The following TEAD1 variants were observed in gnomAD, a reference collection of about 807,000 sequenced individuals.
TEAD1 encodes the protein transcriptional enhancer factor TEF-1.
TEAD1 carries 9 observed loss-of-function variants against 54.9 expected under a neutral mutation model. The ratio of observed to expected loss-of-function variants is 0.16; its 90% CI spans 0.10 to 0.29. The LOEUF (loss-of-function observed/expected upper bound fraction) is 0.29. TEAD1 is among the 10% of genes least tolerant of loss of function. The pLI is 1.00. For synonymous variants in TEAD1, 200 were observed against 187.8 expected (o/e 1.07, Z -0.53); for missense variants, 387 against 535.9 (o/e 0.72, Z 2.74).
intron 3 of TEAD1, chr11:12,828,127 G>A (rs1278054821): frequency 2.0e-5 from 3 of 152,138 alleles, no homozygotes; most frequent in Non-Finnish European, 4.4e-5. Context: ...CAATAAAGAC[G>A]TTTAAAAACC....
Position 12,680,221 on chromosome 11 carries a change from A to C in TEAD1, c.-55+4660A>C, listed in dbSNP as rs183692845. The stretch of plus-strand genomic sequence containing the variant: ...TTTCATCCCAGTGTCTGTATCCCTT[A>C]ATTTTTCTTTGACTTTAATAGCTTT... On this transcript the variant is annotated intron_variant, in intron 2 of 12. Transcript: ENST00000527636. Among the ~76,000 whole-genome samples the C allele has an allele frequency of 6.8e-4, 103 of 152,312 alleles. 1 individual carries two copies. The highest frequency in any genetic ancestry group is 2.1e-3 in the Admixed American group (32 of 15,306).
chr11:12,889,565 G>A (rs1948155618), intron 9 of TEAD1, among the ~76,000 whole-genome samples: 1 of 152,190 alleles, frequency 6.6e-6, no homozygotes, highest in Non-Finnish European at 1.5e-5. Flanking sequence ...GAGGAGGGAA[G>A]AGTTGGGGGT....
intron 9 of TEAD1, among the ~76,000 whole-genome samples, chr11:12,890,852 C>T (rs1168233434): frequency 1.3e-5 from 2 of 152,306 alleles, no homozygotes; most frequent in East Asian, 3.9e-4. Flanking sequence ...GCAACCTCCA[C>T]CTCCTGGGTT....
intron 2 of TEAD1, among the ~76,000 whole-genome samples, chr11:12,739,047 A>C (rs570473954): frequency 6.6e-6 from 1 of 152,306 alleles, no homozygotes; most frequent in South Asian, 2.1e-4. Context: ...TGTTGAAATG[A>C]GAAGATGGTT....
chr11:12,834,895 A>G (rs1342459121), intron 3 of TEAD1, among the ~76,000 whole-genome samples: 4 of 151,912 alleles, frequency 2.6e-5, no homozygotes, highest in African/African-American at 7.3e-5. Context: ...GAGATTACAG[A>G]GCAATTATAG....
chr11:12,717,474 C>T (rs1944089610), intron 2 of TEAD1, among the ~76,000 whole-genome samples: 1 of 152,154 alleles, frequency 6.6e-6, no homozygotes, highest in Non-Finnish European at 1.5e-5. Context: ...GATGGAGAAT[C>T]AAGTTTGCAT....
chr11:12,805,588 C>T (rs1946152458), intron 3 of TEAD1, among the ~76,000 whole-genome samples: 2 of 152,092 alleles, frequency 1.3e-5, no homozygotes, highest in Admixed American at 6.5e-5. Context: ...TTGAGTTTGC[C>T]CTTTTTATTT....
chr11:12,811,698 T>TGG (rs1276955849), intron 3 of TEAD1, among the ~76,000 whole-genome samples: 1 of 151,736 alleles, frequency 6.6e-6, no homozygotes, highest in African/African-American at 2.4e-5. Context: ...AGAGGAACAG[T>TGG]GGGTTGGAGT....
intron 2 of TEAD1, among the ~76,000 whole-genome samples, chr11:12,705,540 T>C (rs142840813): frequency 1.1e-3 from 170 of 152,216 alleles, no homozygotes; most frequent in African/African-American, 4.0e-3. Context: ...CAGGCAAACA[T>C]GAGTAAAACC....
chr11:12,864,971 G>A (rs1024597430), intron 5 of TEAD1, 71 bp downstream of exon 5: 40 of 1,532,300 alleles, frequency 2.6e-5, no homozygotes, highest in Admixed American at 2.5e-4. Flanking sequence ...GGTGACTGGT[G>A]AATGCCTGGT....
chr11:12,825,364 C>G (rs538645202), intron 3 of TEAD1, among the ~76,000 whole-genome samples: 2 of 152,106 alleles, frequency 1.3e-5, no homozygotes, highest in African/African-American at 4.8e-5. Context: ...CCCCAAAGTA[C>G]GAACCGACTA....
rs147635468 is a variant in TEAD1 at position 12,932,288 on chromosome 11, T to A, written c.1167+1962T>A. On this transcript the variant is annotated intron_variant, in intron 12 of 12. Transcript: ENST00000527636. Reference sequence around the variant, plus strand: ...TTGACATATAGGTGCTTCCTGTTGCTATCTAAGAATAGATGCATCACTTTA... The same window carrying A: ...TTGACATATAGGTGCTTCCTGTTGCAATCTAAGAATAGATGCATCACTTTA... Among the ~76,000 whole-genome samples, 19 of 152,320 alleles carry A rather than the reference T, an allele frequency of 1.2e-4. No individual in the cohort carries two copies. The East Asian group carries it at 3.7e-3, about 29-fold the overall frequency.
intron 3 of TEAD1, among the ~76,000 whole-genome samples, chr11:12,795,450 A>G (rs1222317815): frequency 2.6e-5 from 4 of 152,328 alleles, no homozygotes; most frequent in Admixed American, 6.5e-5. Context: ...CTCATGTTGC[A>G]TACATGGGTG....
intron 2 of TEAD1, among the ~76,000 whole-genome samples, chr11:12,700,218 A>G (rs1023909624): frequency 6.6e-6 from 1 of 152,188 alleles, no homozygotes; most frequent in Non-Finnish European, 1.5e-5. Context: ...TTTAGGCACA[A>G]ATACCCAACC....
chr11:12,883,673 T>C (rs1192518302), intron 9 of TEAD1, among the ~76,000 whole-genome samples: 1 of 152,134 alleles, frequency 6.6e-6, no homozygotes, highest in Admixed American at 6.5e-5. Context: ...TCTTTCCAAC[T>C]CTGTTTTCTC....
chr11:12,801,622 C>T (rs895669712), intron 3 of TEAD1, among the ~76,000 whole-genome samples: 14 of 152,202 alleles, frequency 9.2e-5, no homozygotes, highest in Admixed American at 8.5e-4. Context: ...AAGTTGGAGC[C>T]TTGGTTTGAA....
At chr11:12,819,254 A>G (rs1355921236) in intron 3 of TEAD1, among the ~76,000 whole-genome samples, 1 of 146,778 alleles carries the variant, frequency 6.8e-6, no homozygotes, top group Non-Finnish European at 1.5e-5. Flanking sequence ...TGGCACCATT[A>G]TCACCGGTGC....
intron 10 of TEAD1, among the ~76,000 whole-genome samples, chr11:12,918,186 C>T (rs961504765): frequency 6.6e-6 from 1 of 151,996 alleles, no homozygotes; most frequent in Non-Finnish European, 1.5e-5. Flanking sequence ...CTCTGCAAAT[C>T]CCAGACTTCT....
chr11:12,690,181 G>A (rs1943425552), intron 2 of TEAD1, among the ~76,000 whole-genome samples: 2 of 148,988 alleles, frequency 1.3e-5, no homozygotes, highest in African/African-American at 2.5e-5. Flanking sequence ...GGCGGAGCTT[G>A]TAGTGAGCTG....
Sources: allele counts gnomAD v4.1 joint callset (sites outside exome capture counted in the v4.1 genomes callset), GRCh38; gene constraint gnomAD v4.1.1; transcripts MANE v1.5; gene names NCBI Gene and HGNC (gene_info 2026-07-23, HGNC 2026-07-21).